Variants in YJU2B observed in about 807,000 individuals in gnomAD.
YJU2B encodes probable splicing factor YJU2B.
Under a neutral mutation model 38.0 loss-of-function variants are expected in YJU2B, and 18 were observed. The observed-to-expected ratio is 0.47, with a 90% CI of 0.33 to 0.70. YJU2B has a LOEUF of 0.70. YJU2B is among the 30% of genes least tolerant of loss of function. The probability of loss-of-function intolerance (pLI) is 0.02; values close to 1 mark genes in which losing one functional copy is unlikely to be tolerated. For missense variants in YJU2B, 538 were observed against 556.3 expected, an observed-to-expected ratio of 0.97 and a Z score of 0.33; for synonymous variants, 246 against 225.4, an observed-to-expected ratio of 1.09 and a Z score of -0.82.
intron 2 of YJU2B, chr19:13,732,610 C>CTTTTTTTT (rs58605088): frequency 4.2e-5 from 5 of 119,424 alleles, no homozygotes; most frequent in African/African-American, 9.6e-5. Flanking sequence ...TACTTTCTTT[C>CTTTTTTTT]TTTTTTTTTT....
At chr19:13,757,367 A>G (rs1973705168) in intron 4 of YJU2B, 51 bp from the exon 5 acceptor site, 7 of 1,528,466 alleles carry the variant, frequency 4.6e-6, no homozygotes, top group Non-Finnish European at 5.4e-6. Context: ...GTGGAGACCC[A>G]GGGAGTGTCC....
At chr19:13,748,621 T>C (rs894768867) in intron 1 of YJU2B, among the ~76,000 whole-genome samples, 7 of 152,164 alleles carry the variant, frequency 4.6e-5, no homozygotes, top group Admixed American at 1.3e-4. Flanking sequence ...CTTTGCAGGC[T>C]CTTCCCGTGG....
At chr19:13,739,962 T>C (rs534430195) in intron 2 of YJU2B, among the ~76,000 whole-genome samples, 4 of 152,250 alleles carry the variant, frequency 2.6e-5, no homozygotes, top group African/African-American at 9.6e-5. Context: ...GCGTTCTCAT[T>C]GTTCAACTCC....
chr19:13,762,445 G>C lies in YJU2B; in HGVS notation c.712+8G>C. 1.2e-6 allele frequency: 2 copies of C among 1,611,054 alleles called. No homozygotes were observed. The highest frequency in any genetic ancestry group is 1.7e-6 in the Non-Finnish European group (2 of 1,179,560). On this transcript the variant is annotated splice_region_variant and intron_variant, in intron 9 of 9. Transcript: ENST00000221554. ...AGTTCCACACCCTGGACTGTGCGTA[G>C]GAGGCCAGGGGGAAAAGGGGACAGG...
chr19:13,739,893 C>G lies in YJU2B; in HGVS notation c.-202+7608C>G, dbSNP rs150197469. 1.7e-3 allele frequency among the ~76,000 whole-genome samples: 252 copies of G among 152,248 alleles called. 1 individual carries two copies. Among genetic ancestry groups the G allele is most frequent in the African/African-American group, 5.9e-3 (245 of 41,554 alleles). Reference sequence around the variant, plus strand: ...CGTATTTGTCCTAATGCTCTTCCTCCCCTTGGCCCCCATTCCCTGACAGGC... The same window carrying G: ...CGTATTTGTCCTAATGCTCTTCCTCGCCTTGGCCCCCATTCCCTGACAGGC... On this transcript the variant is annotated intron_variant, in intron 2 of 10. Coordinates refer to the YJU2B transcript ENST00000586600.
Position 13,758,934 on chromosome 19 carries a change from C to T in YJU2B, c.324C>T (p.Asp108=). 3 of 1,614,058 alleles carry T rather than the reference C, an allele frequency of 1.9e-6. No individual in the cohort carries two copies. The highest frequency in any genetic ancestry group is 2.5e-6 in the Non-Finnish European group (3 of 1,180,014). The part of the protein sequence containing the change: ...IEMQTDPANC[D]YVIVSGAQRK... ...TGCAGACGGACCCCGCCAACTGCGA[C>T]TACGTGATCGTGAGTGGCGCCCAGC... Residue 108 remains aspartate, a synonymous_variant, in exon 7 of 10, where the codon GAC becomes GAT. Coordinates refer to ENST00000221554, the MANE Select transcript of YJU2B (RefSeq NM_030818.4).
chr19:13,753,528 C>T (rs990686748), intron 2 of YJU2B, among the ~76,000 whole-genome samples: 1 of 144,358 alleles, frequency 6.9e-6, no homozygotes, highest in African/African-American at 2.6e-5. Context: ...GAGATGAGAT[C>T]GCACCATTGC....
In YJU2B at chr19:13,751,277, T is replaced by G. The variant is rs191504086; in HGVS notation, c.-201-331T>G. On this transcript the variant is annotated intron_variant, in intron 1 of 9. Transcript: ENST00000221554. ...TTAAAAATACAAAATTAGCTGGGTG[T>G]GGTGGCGCACGCTTGTAGTCCCAGC... Among the ~76,000 whole-genome samples the G allele has an allele frequency of 1.0e-3, 158 of 152,078 alleles. 2 individuals are homozygous for G. Among genetic ancestry groups the G allele is most frequent in the African/African-American group, 3.7e-3 (154 of 41,486 alleles).
chr19:13,761,834 A>G (rs1973901138), intron 8 of YJU2B, among the ~76,000 whole-genome samples: 1 of 150,874 alleles, frequency 6.6e-6, no homozygotes, highest in South Asian at 2.1e-4. Context: ...AGTGATTTTC[A>G]TGCCTCAGCC....
At chr19:13,741,608 G>T (rs1324930927) in intron 2 of YJU2B, among the ~76,000 whole-genome samples, 2 of 151,660 alleles carry the variant, frequency 1.3e-5, no homozygotes, top group Non-Finnish European at 1.5e-5. Flanking sequence ...GCTAGGCATG[G>T]TGCCTGTGGT....
At chr19:13,746,922 T>C (rs4926315), upstream of YJU2B, among the ~76,000 whole-genome samples, 45,336 of 151,090 alleles carry the variant, frequency 0.3, 7,204 homozygotes, top group Middle Eastern at 0.52. Context: ...AAAAAAAGTA[T>C]CAAAGAAAAG....
chr19:13,752,013 T>C (rs79075916), intron 2 of YJU2B, among the ~76,000 whole-genome samples: 1,980 of 152,324 alleles, frequency 0.013, 40 homozygotes, highest in African/African-American at 0.045. Context: ...TTTCATTTTC[T>C]TTTGTTTTTG....
rs1243178631 is a variant in YJU2B, at chr19:13,757,488, A to G, written c.196+15A>G. On this transcript the variant is annotated intron_variant, in intron 5 of 9. Transcript: ENST00000221554. The stretch of plus-strand genomic sequence containing the variant: ...CATCGGCATGGGTGAGCCTCTGCCC[A>G]CCCTCCATTCAGTCCTGCAAACATC... 9.9e-6 allele frequency: 16 copies of G among 1,609,462 alleles called. No individual in the cohort carries two copies. Among genetic ancestry groups the G allele is most frequent in the Non-Finnish European group, 1.4e-5 (16 of 1,177,520 alleles).
chr19:13,732,610 C>CTTTTTTTTT (rs58605088), intron 2 of YJU2B: 2 of 119,460 alleles, frequency 1.7e-5, no homozygotes, highest in South Asian at 2.6e-4. Context: ...TACTTTCTTT[C>CTTTTTTTTT]TTTTTTTTTT....
chr19:13,741,442 C>T (rs1973092655), intron 2 of YJU2B, among the ~76,000 whole-genome samples: 1 of 151,940 alleles, frequency 6.6e-6, no homozygotes, highest in African/African-American at 2.4e-5. Context: ...TGTGAGCCAC[C>T]ATGCCTGGCC....
In YJU2B at chr19:13,756,170, AATCCGCTCCTC is replaced by A. The variant is rs781108111; in HGVS notation, c.58-22_58-12del. ...TGAGCTCCTCCAGCTCAGCAGCACT[AATCCGCTCCTC>A]ATCCTCTCCACACAGCATGGCTCTC... On this transcript the variant is annotated splice_polypyrimidine_tract_variant and intron_variant, in intron 3 of 9. Coordinates refer to ENST00000221554, the MANE Select transcript of YJU2B (RefSeq NM_030818.4). 30 of 1,595,926 alleles carry A rather than the reference AATCCGCTCCTC, an allele frequency of 1.9e-5. No homozygotes were observed. The highest frequency in any genetic ancestry group is 2.5e-5 in the Non-Finnish European group (29 of 1,163,828).
upstream of YJU2B, among the ~76,000 whole-genome samples, chr19:13,744,768 C>T (rs1475798420): frequency 2.0e-5 from 3 of 152,050 alleles, no homozygotes; most frequent in Non-Finnish European, 2.9e-5. Flanking sequence ...CCGAGACGGG[C>T]GGATCACGAG....
chr19:13,755,914 T>C (rs1220658279), intron 3 of YJU2B, among the ~76,000 whole-genome samples: 1 of 152,012 alleles, frequency 6.6e-6, no homozygotes, highest in Admixed American at 6.6e-5. Flanking sequence ...GCCAAGGTCA[T>C]GCCATTGCAC....
At chr19:13,731,894 C>T (rs1172045812) in exon 1 of YJU2B, 1 of 152,262 alleles carries the variant, frequency 6.6e-6, no homozygotes, top group Non-Finnish European at 1.5e-5. Flanking sequence ...TACTGAGCGC[C>T]CTTGGGAGGG....
Sources: allele counts gnomAD v4.1 joint callset (sites outside exome capture counted in the v4.1 genomes callset), GRCh38; gene constraint gnomAD v4.1.1; transcripts MANE v1.5; gene names NCBI Gene and HGNC (gene_info 2026-07-23, HGNC 2026-07-21).